NBPF11: variants seen among roughly 807,000 people sequenced by gnomAD.
The protein encoded by NBPF11 is NBPF member 11.
A neutral mutation model predicts 93.9 loss-of-function variants in NBPF11; 72 were observed. That is an observed-to-expected ratio of 0.77 (90% CI 0.63 to 0.93). The LOEUF is 0.93. Among genes scored for constraint, NBPF11 ranks in the 40% least tolerant of loss-of-function variants. The pLI is 0.00. For missense variants in NBPF11, 705 were observed against 802.2 expected (o/e 0.88, Z 1.46); for synonymous variants, 224 against 304.9 (o/e 0.73, Z 2.76).
rs1203882715 is a variant in NBPF11, at chr1:148,152,010, C to T, written c.-809G>A. The T allele has an allele frequency of 6.6e-6, 1 of 152,120 alleles. No individual in the cohort carries two copies. The highest frequency in any genetic ancestry group is 1.5e-5 in the Non-Finnish European group (1 of 68,094). 9.4% of individuals were successfully genotyped at this position (152,120 alleles called of 1,614,324 possible). ...GTCCGGATGGGCCGTGTCAGGAGAG[C>T]CCAAGGCACAGGCGCAGCTGGGCCT... On this transcript the variant is annotated 5_prime_UTR_variant, in exon 1 of 24. Transcript: ENST00000682118.
chr1:148,137,013 T>C (rs1671406753), intron 3 of NBPF11, among the ~76,000 whole-genome samples: 1 of 151,796 alleles, frequency 6.6e-6, no homozygotes. Flanking sequence ...GGAATGTGAG[T>C]GTCCTACTGT....
At chr1:148,149,134 C>A (rs1647554582) in intron 1 of NBPF11, 40 of 1,580,870 alleles carry the variant, frequency 2.5e-5, no homozygotes, top group Middle Eastern at 2.3e-4. Context: ...TTGGAGGCCG[C>A]GGCTGACCCT....
chr1:148,121,021 C>A (rs1667697696), intron 9 of NBPF11, among the ~76,000 whole-genome samples: 1 of 151,914 alleles, frequency 6.6e-6, no homozygotes, highest in South Asian at 2.1e-4. Context: ...TTTCATTTTG[C>A]TTTTTAAATT....
intron 4 of NBPF11, among the ~76,000 whole-genome samples, chr1:148,132,788 G>C (rs1385543446): frequency 1.0e-4 from 6 of 58,808 alleles, no homozygotes; most frequent in Admixed American, 5.4e-4. Flanking sequence ...GTCTTGCTCT[G>C]TTACCCAGGC....
chr1:148,132,235 A>G (rs1380490803), intron 4 of NBPF11, among the ~76,000 whole-genome samples: 1 of 80,204 alleles, frequency 1.2e-5, no homozygotes, highest in South Asian at 3.4e-4. Context: ...ACACACACAC[A>G]TGTTTGTGTG....
intron 3 of NBPF11, among the ~76,000 whole-genome samples, chr1:148,137,369 G>T (rs1167212712): frequency 9.9e-5 from 15 of 151,890 alleles, no homozygotes; most frequent in African/African-American, 3.4e-4. Flanking sequence ...CAGAAAAAGG[G>T]CCCTCAGTCC....
chr1:148,111,629 C>T (rs1665296344), intron 15 of NBPF11, among the ~76,000 whole-genome samples: 2 of 151,126 alleles, frequency 1.3e-5, no homozygotes, highest in African/African-American at 2.5e-5. Flanking sequence ...GTAGCCAATT[C>T]GATCAAGTGC....
In NBPF11 at chr1:148,151,999, T is replaced by C. The variant is rs1178359593; in HGVS notation, c.-798A>G. 1 of 151,986 alleles carries C rather than the reference T, an allele frequency of 6.6e-6. No individual in the cohort carries two copies. The highest frequency in any genetic ancestry group is 1.5e-5 in the Non-Finnish European group (1 of 68,102). The allele number at this position is 151,986 out of a possible 1,614,324, so 9.4% of individuals were successfully genotyped here. Reference sequence around the variant, plus strand: ...GGCTCCTCAGGGTCCGGATGGGCCGTGTCAGGAGAGCCCAAGGCACAGGCG... The same window carrying C: ...GGCTCCTCAGGGTCCGGATGGGCCGCGTCAGGAGAGCCCAAGGCACAGGCG... On this transcript the variant is annotated 5_prime_UTR_variant, in exon 1 of 24. Transcript: ENST00000682118.
chr1:148,131,160 G>GAAA (rs60473932), intron 4 of NBPF11, among the ~76,000 whole-genome samples: 1 of 117,124 alleles, frequency 8.5e-6, no homozygotes, highest in South Asian at 2.8e-4. Flanking sequence ...ATATTAAGAG[G>GAAA]AAAAAAAAAA....
intron 1 of NBPF11, among the ~76,000 whole-genome samples, chr1:148,147,195 C>T (rs1389190120): frequency 6.6e-6 from 1 of 152,142 alleles, no homozygotes; most frequent in African/African-American, 2.4e-5. Flanking sequence ...AGGGGCTGAG[C>T]TTGTCACAGG....
In NBPF11 at chr1:148,145,543, A is replaced by C. The variant is rs1672861175; in HGVS notation, c.-548-1857T>G. Among the ~76,000 whole-genome samples the C allele has an allele frequency of 9.3e-5, 14 of 150,018 alleles. 1 individual carries two copies. The South Asian group carries it at 2.8e-3, about 30-fold the overall frequency. The stretch of plus-strand genomic sequence containing the variant: ...ATTTCTTAAACAGGACACAATAAGC[A>C]GTAACCATAAAGGAAAAGATTGATA... On this transcript the variant is annotated intron_variant, in intron 1 of 23. Transcript: ENST00000682118.
At chr1:148,131,365 A>C (rs1464568881) in intron 4 of NBPF11, among the ~76,000 whole-genome samples, 1 of 151,548 alleles carries the variant, frequency 6.6e-6, no homozygotes, top group Non-Finnish European at 1.5e-5. Context: ...AGTTTATTGG[A>C]GATCTGAAGG....
chr1:148,134,150 C>T (rs1249033747), intron 4 of NBPF11, among the ~76,000 whole-genome samples: 1 of 151,672 alleles, frequency 6.6e-6, no homozygotes, highest in Non-Finnish European at 1.5e-5. Flanking sequence ...TCCCCTCACC[C>T]ATGCATTTCT....
At position 148,124,052 on chromosome 1, in the gene NBPF11, C is replaced by T. The variant is rs1304380375; in HGVS notation, c.294G>A (p.Leu98=). 1.6e-5 allele frequency: 26 copies of T among 1,599,030 alleles called. No individual in the cohort carries two copies. The highest frequency in any genetic ancestry group is 2.3e-4 in the Middle Eastern group (1 of 4,434). The stretch of plus-strand genomic sequence containing the variant: ...TCAGCTCTCGTTCCTGAGAGTGAAC[C>T]AGGACTTTATATTGCCTAAGGTGAG... ...QAEELRQYKV[L]VHSQERELTQ... The change falls in exon 7 of 24, where the codon CTG becomes CTA. Residue 98 remains leucine, a synonymous_variant. Coordinates refer to ENST00000682118, the MANE Select transcript of NBPF11 (RefSeq NM_001385469.3).
At chr1:148,127,665 CAG>C (rs1669416248) in intron 4 of NBPF11, among the ~76,000 whole-genome samples, 1 of 82,206 alleles carries the variant, frequency 1.2e-5, no homozygotes, top group Non-Finnish European at 2.1e-5. Context: ...TTTTTTGAGA[CAG>C]AGTCTCACTC....
intron 3 of NBPF11, among the ~76,000 whole-genome samples, chr1:148,136,285 GT>G (rs1168663353): frequency 6.6e-6 from 1 of 151,640 alleles, no homozygotes; most frequent in East Asian, 1.9e-4. Flanking sequence ...GTCCATAGCA[GT>G]TTTATTCGTA....
rs1196018485 is a variant in NBPF11, at chr1:148,149,789, A to C, written c.-549+1961T>G. 2.6e-5 allele frequency among the ~76,000 whole-genome samples: 3 copies of C among 116,528 alleles called. No homozygotes were observed. The South Asian group carries it at 7.9e-4, about 31-fold the overall frequency. 76.4% of individuals were successfully genotyped at this position (116,528 alleles called of 152,430 possible). On this transcript the variant is annotated intron_variant, in intron 1 of 23. Coordinates refer to ENST00000682118, the MANE Select transcript of NBPF11 (RefSeq NM_001385469.3). ...AAACGGAAATTAAAGATTTAAAATT[A>C]AAAAAAAAAAAAAGATTTAACAGGC...
intron 15 of NBPF11, among the ~76,000 whole-genome samples, chr1:148,114,203 A>C (rs1267495493): frequency 5.4e-5 from 8 of 148,360 alleles, no homozygotes; most frequent in African/African-American, 2.0e-4. Flanking sequence ...TCAACAAGAA[A>C]ACCCTGTTTG....
intron 1 of NBPF11, among the ~76,000 whole-genome samples, chr1:148,144,074 AG>A (rs1672611642): frequency 6.6e-6 from 1 of 151,884 alleles, no homozygotes; most frequent in Non-Finnish European, 1.5e-5. Context: ...TTGAGTAGCC[AG>A]GGAAGTTTTC....
Sources: allele counts gnomAD v4.1 joint callset (sites outside exome capture counted in the v4.1 genomes callset), GRCh38; gene constraint gnomAD v4.1.1; transcripts MANE v1.5; gene names NCBI Gene and HGNC (gene_info 2026-07-23, HGNC 2026-07-21).